Variants in RRM2 observed in about 807,000 individuals in gnomAD.
The protein encoded by RRM2 is ribonucleoside-diphosphate reductase subunit M2.
In RRM2, 6 loss-of-function variants were observed where a neutral mutation model predicts 45.9. The observed-to-expected ratio is 0.13, with a 90% CI of 0.07 to 0.26. The LOEUF is 0.26. Among genes scored for constraint, RRM2 ranks in the 10% least tolerant of loss-of-function variants. The pLI, the probability that RRM2 is intolerant of heterozygous loss-of-function variation, is 1.00. For synonymous variants in RRM2, 177 were observed against 173.0 expected, an observed-to-expected ratio of 1.02 and a Z score of -0.18; for missense variants, 343 against 489.5, an observed-to-expected ratio of 0.70 and a Z score of 2.82.
chr2:10,163,877 C>A (rs889322351), intron 3 of RRM2, among the ~76,000 whole-genome samples: 11 of 152,204 alleles, frequency 7.2e-5, no homozygotes, highest in Non-Finnish European at 1.6e-4. Context: ...GTTGGGGATG[C>A]CCCTTAGCCT....
chr2:10,200,331 TG>T (rs1409528809), intron 3 of RRM2, among the ~76,000 whole-genome samples: 1 of 152,176 alleles, frequency 6.6e-6, no homozygotes, highest in Non-Finnish European at 1.5e-5. Flanking sequence ...CAAGATAACC[TG>T]GGGTTCCTGG....
chr2:10,128,795 A>G (rs1172468465), intron 7 of RRM2, 53 bp from the exon 8 acceptor site: 1 of 1,238,680 alleles, frequency 8.1e-7, no homozygotes, highest in East Asian at 2.3e-5. Flanking sequence ...TTCATATTCC[A>G]TGTTAATGAC....
chr2:10,152,713 C>A (rs1045313098), intron 3 of RRM2, among the ~76,000 whole-genome samples: 24 of 151,602 alleles, frequency 1.6e-4, no homozygotes, highest in Non-Finnish European at 3.4e-4. Flanking sequence ...GAACTCTTCA[C>A]CTCAGGTGAT....
At chr2:10,126,125 C>G (rs946889028) in intron 5 of RRM2, among the ~76,000 whole-genome samples, 3 of 142,944 alleles carry the variant, frequency 2.1e-5, no homozygotes, top group Non-Finnish European at 1.5e-5. Context: ...TCTCGCTGCA[C>G]TCTAGCCTGG....
downstream of RRM2, among the ~76,000 whole-genome samples, chr2:10,134,170 C>CAA (rs35568069): frequency 2.6e-4 from 26 of 101,464 alleles, no homozygotes; most frequent in South Asian, 3.3e-3. Flanking sequence ...AACTCCATCT[C>CAA]AAAAAAAAAA....
intron 3 of RRM2, chr2:10,210,175 C>G (rs148944631): frequency 2.3e-6 from 1 of 438,686 alleles, no homozygotes; most frequent in African/African-American, 2.1e-5. Context: ...TCATGGACTC[C>G]CACCTCCTTG....
upstream of RRM2, among the ~76,000 whole-genome samples, chr2:10,137,117 A>C (rs1245064296): frequency 6.6e-6 from 1 of 152,222 alleles, no homozygotes; most frequent in African/African-American, 2.4e-5. Context: ...ACCCCAACAG[A>C]ATTCACTTGA....
At chr2:10,186,167 C>T (rs937089392) in intron 3 of RRM2, among the ~76,000 whole-genome samples, 1 of 152,118 alleles carries the variant, frequency 6.6e-6, no homozygotes, top group African/African-American at 2.4e-5. Flanking sequence ...TTGGATGAGC[C>T]ATTTTACCTT....
intron 3 of RRM2, among the ~76,000 whole-genome samples, chr2:10,193,168 C>T (rs1664346216): frequency 6.6e-6 from 1 of 152,118 alleles, no homozygotes. Context: ...GCTTTTTCTA[C>T]CCAGCTTGGA....
chr2:10,183,135 C>T (rs542404028), intron 3 of RRM2, among the ~76,000 whole-genome samples: 3 of 152,344 alleles, frequency 2.0e-5, no homozygotes, highest in Non-Finnish European at 4.4e-5. Flanking sequence ...GGCACCACTG[C>T]ACTCCAGCCT....
At chr2:10,181,860 G>A (rs1558399940) in intron 3 of RRM2, among the ~76,000 whole-genome samples, 1 of 148,008 alleles carries the variant, frequency 6.8e-6, no homozygotes, top group East Asian at 2.0e-4. Context: ...GACCTCCAGG[G>A]CTCAAGGGAT....
intron 3 of RRM2, among the ~76,000 whole-genome samples, chr2:10,200,182 AGGCC>A (rs1664518063): frequency 6.6e-6 from 1 of 152,200 alleles, no homozygotes; most frequent in Admixed American, 6.5e-5. Context: ...ATTTTTACAT[AGGCC>A]TTTTAAGTTG....
intron 3 of RRM2, among the ~76,000 whole-genome samples, chr2:10,187,188 TG>T (rs951873260): frequency 4.4e-4 from 67 of 152,282 alleles, no homozygotes; most frequent in African/African-American, 1.5e-3. Context: ...TGTTCCCTGA[TG>T]CTGCTGGGGC....
chr2:10,158,391 A>G (rs1196533604), intron 3 of RRM2, among the ~76,000 whole-genome samples: 1 of 152,046 alleles, frequency 6.6e-6, no homozygotes. Context: ...ACAGCCTTCC[A>G]TCATCCCCCT....
intron 3 of RRM2, among the ~76,000 whole-genome samples, chr2:10,150,031 T>C (rs929205931): frequency 6.6e-6 from 1 of 152,194 alleles, no homozygotes; most frequent in African/African-American, 2.4e-5. Flanking sequence ...AAATGGAGTG[T>C]AGCTGGGCGC....
rs1662883272 is a variant in RRM2, at chr2:10,130,768, T to G, written c.*1382T>G. On this transcript the variant is annotated 3_prime_UTR_variant, in exon 10 of 10. Coordinates refer to ENST00000304567, the MANE Select transcript of RRM2 (RefSeq NM_001034.4). ...TCTCAGCCTCCCTAGTAGCTGGGAC[T>G]GCAGGTATGTGCTACCACACCTGGC... 6.6e-6 allele frequency: 1 copy of G among 152,142 alleles called. No homozygotes were observed. Among genetic ancestry groups the G allele is most frequent in the African/African-American group, 2.4e-5 (1 of 41,422 alleles). 9.4% of individuals were successfully genotyped at this position (152,142 alleles called of 1,614,324 possible). A position where few individuals can be genotyped will look rare whatever the true frequency, so the allele number is the denominator to read the frequency against.
intron 3 of RRM2, among the ~76,000 whole-genome samples, chr2:10,147,378 G>T (rs1663211184): frequency 6.6e-6 from 1 of 152,046 alleles, no homozygotes; most frequent in South Asian, 2.1e-4. Context: ...AACCTCCTGG[G>T]CTCAAGTGAT....
chr2:10,203,519 G>T (rs1161796275), intron 3 of RRM2, among the ~76,000 whole-genome samples: 1 of 152,188 alleles, frequency 6.6e-6, no homozygotes, highest in East Asian at 1.9e-4. Context: ...GGGAAGCTGA[G>T]GCGGACAGAT....
chr2:10,175,396 T>C (rs1663894594), intron 3 of RRM2, among the ~76,000 whole-genome samples: 2 of 152,364 alleles, frequency 1.3e-5, no homozygotes, highest in Middle Eastern at 3.4e-3. Flanking sequence ...AACTTTATCA[T>C]CTTGACCATT....
Sources: gnomAD v4.1 joint callset for allele counts (sites outside exome capture counted in the v4.1 genomes callset) on GRCh38, gnomAD v4.1.1 for gene constraint, MANE v1.5 for transcripts, NCBI Gene and HGNC (gene_info 2026-07-23, HGNC 2026-07-21) for gene names.